The following HEATR6 variants were observed in gnomAD, a reference collection of about 807,000 sequenced individuals.
The protein encoded by HEATR6 is HEAT repeat containing 6.
In HEATR6, 106 loss-of-function variants were observed where a neutral mutation model predicts 132.8. The ratio of observed to expected loss-of-function variants is 0.80; its 90% CI spans 0.68 to 0.94. The LOEUF is 0.94. Among genes scored for constraint, HEATR6 ranks in the 40% least tolerant of loss-of-function variants. The pLI is 0.00. For synonymous variants in HEATR6, 529 were observed against 537.8 expected, an observed-to-expected ratio of 0.98 and a Z score of 0.23; for missense variants, 1,339 against 1,425.1, an observed-to-expected ratio of 0.94 and a Z score of 0.97.
At chr17:60,050,369 G>T (rs1385016237) in intron 15 of HEATR6, among the ~76,000 whole-genome samples, 1 of 152,130 alleles carries the variant, frequency 6.6e-6, no homozygotes, top group Non-Finnish European at 1.5e-5. Context: ...CCAATTTATG[G>T]TATTTTATTA....
chr17:60,077,220 G>A (rs777830946), intron 1 of HEATR6, among the ~76,000 whole-genome samples: 1 of 152,230 alleles, frequency 6.6e-6, no homozygotes, highest in Non-Finnish European at 1.5e-5. Context: ...AGGCCTTGTG[G>A]AGGTGACTGT....
At chr17:60,045,312 G>A (rs141061911) in intron 19 of HEATR6, among the ~76,000 whole-genome samples, 2 of 152,338 alleles carry the variant, frequency 1.3e-5, no homozygotes, top group African/African-American at 4.8e-5. Flanking sequence ...CTCACTTGAT[G>A]TGTGCTCTCC....
At position 60,073,791 on chromosome 17, in the gene HEATR6, T is replaced by C; in HGVS notation, c.423A>G (p.Gln141=). 1 of 1,614,128 alleles carries C rather than the reference T, an allele frequency of 6.2e-7. No individual in the cohort carries two copies. Among genetic ancestry groups the C allele is most frequent in the East Asian group, 2.2e-5 (1 of 44,892 alleles). Residue 141 remains glutamine, a synonymous_variant, in exon 3 of 20, where the codon CAA becomes CAG. Coordinates refer to ENST00000184956, the MANE Select transcript of HEATR6 (RefSeq NM_022070.5). ...TGCAGTACACCAGAGCTGCCAGGGC[T>C]TGAAGAATTTCCCTGTGTGTCCAGG... ...CSSWTHREIL[Q]ALAALVYCNG...
Position 60,078,696 on chromosome 17 carries a change from C to T in HEATR6, c.219G>A (p.Glu73=), listed in dbSNP as rs745790991. The change falls in exon 1 of 20, where the codon GAG becomes GAA. Residue 73 remains glutamate (E), a splice_region_variant and synonymous_variant. Transcript: ENST00000184956. ...GGGGCCAGCAGGGCGCGCCGCCTACCTCCGGGGCCACGCCACTGCCCTCGC... is the reference window on the plus strand; with the variant it reads ...GGGGCCAGCAGGGCGCGCCGCCTACTTCCGGGGCCACGCCACTGCCCTCGC... ...NYSEGSGVAP[E]DVSALLVQAC... The T allele has an allele frequency of 3.9e-6, 6 of 1,539,442 alleles. No homozygotes were observed. In the South Asian group the frequency reaches 4.8e-5, roughly 12 times the overall value.
intron 2 of HEATR6, among the ~76,000 whole-genome samples, chr17:60,074,770 A>G (rs1259032590): frequency 1.3e-5 from 2 of 152,188 alleles, no homozygotes; most frequent in South Asian, 2.1e-4. Flanking sequence ...GACTGTCACA[A>G]TTGGAGAGGT....
intron 11 of HEATR6, 68 bp downstream of exon 11, chr17:60,059,354 G>A (rs951180933): frequency 9.2e-6 from 8 of 867,656 alleles, no homozygotes; most frequent in Admixed American, 4.5e-5. Flanking sequence ...ATCTATATCT[G>A]TATATTTTTA....
intron 15 of HEATR6, among the ~76,000 whole-genome samples, chr17:60,049,925 C>G (rs1302294366): frequency 6.6e-6 from 1 of 152,174 alleles, no homozygotes; most frequent in Admixed American, 6.5e-5. Flanking sequence ...CACATTTAAC[C>G]TTTATTAAAG....
rs8068341 is a variant in HEATR6 at position 60,075,108 on chromosome 17, T to C, written c.327+1022A>G. ...ATTGGGGAGTCTACTAGAGAGTTCA[T>C]GGGACACGTTTCCTTACTGTTAAGT... On this transcript the variant is annotated intron_variant, in intron 2 of 19. Coordinates refer to ENST00000184956, the MANE Select transcript of HEATR6 (RefSeq NM_022070.5). Among the ~76,000 whole-genome samples the C allele has an allele frequency of 9.6e-3, 1,461 of 152,324 alleles. 20 individuals carry two copies. The highest frequency in any genetic ancestry group is 0.031 in the African/African-American group (1,281 of 41,578).
At chr17:60,068,355 CTG>C (rs2083253451) in intron 7 of HEATR6, among the ~76,000 whole-genome samples, 1 of 151,816 alleles carries the variant, frequency 6.6e-6, no homozygotes, top group Non-Finnish European at 1.5e-5. Context: ...TATCTGGAAT[CTG>C]TGTCTTCCTC....
In HEATR6 at chr17:60,046,126, T is replaced by C. The variant is rs1461016528; in HGVS notation, c.2873A>G (p.Gln958Arg). Residue 958 changes from glutamine (Q) to arginine (R), a missense_variant, in exon 19 of 20, where the codon CAG becomes CGG. Physicochemically the swap from Gln to Arg is conservative, Grantham distance 43. Coordinates refer to ENST00000184956, the MANE Select transcript of HEATR6 (RefSeq NM_022070.5). ...TFAEIIEESI[Q>R]ALISTVLTEA... ...TGTTAGAACAGTAGAAATTAGGGCC[T>C]GGATAGACTCCTCAATGATTTCTGC... 2 of 1,613,022 alleles carry C rather than the reference T, an allele frequency of 1.2e-6. No homozygotes were observed. Among genetic ancestry groups the C allele is most frequent in the South Asian group, 1.1e-5 (1 of 91,046 alleles).
Position 60,072,316 on chromosome 17 carries a change from G to C in HEATR6, c.598C>G (p.Pro200Ala). 6.2e-7 allele frequency: 1 copy of C among 1,603,794 alleles called. No individual in the cohort carries two copies. Among genetic ancestry groups the C allele is most frequent in the Non-Finnish European group, 8.5e-7 (1 of 1,172,216 alleles). ...ANLCLSVPGQ[P>A]YLEEPYQNVC... is the part of the protein sequence containing the mutation. Reference sequence around the variant, plus strand: ...TTTTGGTAGGGCTCCTCCAAATACGGCTGTCCTGGCACACTAAACGCATAC... The same window carrying C: ...TTTTGGTAGGGCTCCTCCAAATACGCCTGTCCTGGCACACTAAACGCATAC... The change falls in exon 5 of 20, where the codon CCG becomes GCG. Residue 200 changes from proline to alanine, a missense_variant. Physicochemically the swap from Pro to Ala is conservative, Grantham distance 27. Transcript: ENST00000184956.
chr17:60,065,100 A>G (rs1341537007), intron 9 of HEATR6, among the ~76,000 whole-genome samples: 1 of 152,158 alleles, frequency 6.6e-6, no homozygotes, highest in Non-Finnish European at 1.5e-5. Context: ...TTTATTTGCC[A>G]CCACTCATTT....
intron 19 of HEATR6, among the ~76,000 whole-genome samples, chr17:60,045,693 C>T (rs1598903610): frequency 6.6e-6 from 1 of 152,140 alleles, no homozygotes; most frequent in South Asian, 2.1e-4. Flanking sequence ...AATAATTAGT[C>T]CAATTTCCTT....
Position 60,076,240 on chromosome 17 carries a change from A to G in HEATR6, c.220-3T>C. 1.9e-6 allele frequency: 3 copies of G among 1,548,536 alleles called. No homozygotes were observed. Among genetic ancestry groups the G allele is most frequent in the Middle Eastern group, 1.7e-4 (1 of 5,954 alleles). On this transcript the variant is annotated splice_polypyrimidine_tract_variant and splice_region_variant and intron_variant, in intron 1 of 19. Transcript: ENST00000184956. ...TGGACAAGAAGAGCACTAACGTCCT[A>G]CCAAAAAAAAAAAGATAAGAGGTAA...
rs1421721215 is a variant in HEATR6, at chr17:60,066,214, G to A, written c.1411C>T (p.Pro471Ser). 1.2e-6 allele frequency: 2 copies of A among 1,610,504 alleles called. No individual in the cohort carries two copies. Among genetic ancestry groups the A allele is most frequent in the Admixed American group, 1.7e-5 (1 of 59,414 alleles). ...TAGAGTTTAAATTCTCTTACCTTTG[G>A]AGAAGGGTCTTTCAATGTAAGAGTC... ...LMTLTLKDPS[P>S]KTRACALQVL... is the part of the protein sequence containing the mutation. The change falls in exon 9 of 20, where the codon CCA (proline) becomes TCA (serine). Residue 471 changes from proline to serine, a missense_variant. Coordinates refer to ENST00000184956, the MANE Select transcript of HEATR6 (RefSeq NM_022070.5).
Position 60,067,724 on chromosome 17 carries a change from C to A in HEATR6, c.948G>T (p.Lys316Asn), listed in dbSNP as rs760791252. 3 of 1,610,736 alleles carry A rather than the reference C, an allele frequency of 1.9e-6. No homozygotes were observed. Among genetic ancestry groups the A allele is most frequent in the Non-Finnish European group, 2.5e-6 (3 of 1,178,950 alleles). ...TCTTTGGTTTTACTTTGGATTTTTT[C>A]TTTTTATTCTGATTGTGGGAGCAAA... is the stretch of plus-strand genomic sequence containing the variant. ...SSASRPTLNKKKKSKVKPKKI... is the reference protein window; with the variant it reads ...SSASRPTLNKNKKSKVKPKKI... Residue 316 changes from lysine (K) to asparagine (N), a missense_variant, in exon 8 of 20, where the codon AAG becomes AAT. By Grantham distance (94) the Lys-to-Asn change is moderately conservative. Transcript: ENST00000184956.
chr17:60,048,536 C>G, intron 16 of HEATR6, 148 bp from the exon 17 acceptor site: 1 of 843,386 alleles, frequency 1.2e-6, no homozygotes, highest in South Asian at 2.5e-5. Context: ...ATTTACTGTT[C>G]TTATATTTTA....
chr17:60,057,354 G>T lies in HEATR6; in HGVS notation c.1773C>A (p.Ser591=). Residue 591 remains serine, a synonymous_variant, in exon 12 of 20, where the codon TCC becomes TCA. Coordinates refer to ENST00000184956, the MANE Select transcript of HEATR6 (RefSeq NM_022070.5). ...SSLTLLGAIV[S]THAPLPEVQL... ...GGACTTCAGGTAAAGGTGCGTGGGTGGACACTATAGCTCCCAAGAGTGTGA... is the reference window on the plus strand; with the variant it reads ...GGACTTCAGGTAAAGGTGCGTGGGTTGACACTATAGCTCCCAAGAGTGTGA... 1 of 1,613,394 alleles carries T rather than the reference G, an allele frequency of 6.2e-7. No homozygotes were observed. Among genetic ancestry groups the T allele is most frequent in the Non-Finnish European group, 8.5e-7 (1 of 1,179,662 alleles).
chr17:60,069,275 C>T (rs532075730), intron 7 of HEATR6, among the ~76,000 whole-genome samples: 2 of 152,334 alleles, frequency 1.3e-5, no homozygotes, highest in East Asian at 3.9e-4. Context: ...CAGCCTGCTT[C>T]TGTAAATAAA....
Sources: gnomAD v4.1 joint callset for allele counts (sites outside exome capture counted in the v4.1 genomes callset) on GRCh38, gnomAD v4.1.1 for gene constraint, MANE v1.5 for transcripts, NCBI Gene and HGNC (gene_info 2026-07-23, HGNC 2026-07-21) for gene names.